The following LRMDA variants were observed in gnomAD, a reference collection of about 807,000 sequenced individuals.
The protein encoded by LRMDA is leucine rich melanocyte differentiation associated, also known as leucine-rich melanocyte differentiation-associated protein.
Under a neutral mutation model 29.8 loss-of-function variants are expected in LRMDA, and 18 were observed. The ratio of observed to expected loss-of-function variants is 0.60; its 90% CI spans 0.42 to 0.90. LRMDA has a LOEUF of 0.90. Among genes scored for constraint, LRMDA ranks in the 40% least tolerant of loss-of-function variants. The probability of loss-of-function intolerance (pLI) is 0.00; values close to 1 mark genes in which losing one functional copy is unlikely to be tolerated. For synonymous variants in LRMDA, 125 were observed against 109.4 expected, an observed-to-expected ratio of 1.14 and a Z score of -0.89; for missense variants, 273 against 273.9, an observed-to-expected ratio of 1.00 and a Z score of 0.02.
At chr10:75,436,063 A>G (rs1012174651) in intron 1 of LRMDA, among the ~76,000 whole-genome samples, 76 of 141,556 alleles carry the variant, frequency 5.4e-4, no homozygotes, top group Middle Eastern at 3.7e-3. Context: ...CTTTAAAAAA[A>G]AAAAAAAAAA....
At chr10:76,000,485 G>A (rs919332462) in intron 2 of LRMDA, among the ~76,000 whole-genome samples, 1 of 152,196 alleles carries the variant, frequency 6.6e-6, no homozygotes, top group African/African-American at 2.4e-5. Flanking sequence ...AATGGTGAGA[G>A]GGAAGGCAGT....
chr10:76,453,108 A>C (rs1407611969), intron 6 of LRMDA, among the ~76,000 whole-genome samples: 1 of 152,244 alleles, frequency 6.6e-6, no homozygotes, highest in Non-Finnish European at 1.5e-5. Context: ...AATATTTCTA[A>C]AGCACAGTTA....
intron 2 of LRMDA, among the ~76,000 whole-genome samples, chr10:75,563,970 A>G (rs1325718869): frequency 6.6e-6 from 1 of 152,176 alleles, no homozygotes; most frequent in African/African-American, 2.4e-5. Flanking sequence ...TAGGCTGCTC[A>G]GGGGTCAGGG....
At chr10:75,586,004 T>C (rs530685807) in intron 2 of LRMDA, among the ~76,000 whole-genome samples, 29 of 152,348 alleles carry the variant, frequency 1.9e-4, no homozygotes, top group African/African-American at 6.7e-4. Flanking sequence ...ATTGCAGAAT[T>C]TCCTCCCTTT....
chr10:76,377,659 G>T (rs913720805), intron 6 of LRMDA, among the ~76,000 whole-genome samples: 1 of 152,056 alleles, frequency 6.6e-6, no homozygotes. Context: ...TATATGTTTT[G>T]TCAACTTTGT....
intron 5 of LRMDA, among the ~76,000 whole-genome samples, chr10:76,077,430 G>T (rs935758651): frequency 1.3e-5 from 2 of 152,164 alleles, no homozygotes; most frequent in East Asian, 1.9e-4. Context: ...TGTAGGGCAG[G>T]TTATCTGTCT....
intron 2 of LRMDA, among the ~76,000 whole-genome samples, chr10:75,554,558 A>T (rs1451623712): frequency 6.6e-6 from 1 of 152,182 alleles, no homozygotes; most frequent in African/African-American, 2.4e-5. Flanking sequence ...CACTACTCTT[A>T]GGAGCTCCCA....
At chr10:76,149,187 G>T (rs1850391262) in intron 5 of LRMDA, among the ~76,000 whole-genome samples, 1 of 152,132 alleles carries the variant, frequency 6.6e-6, no homozygotes, top group African/African-American at 2.4e-5. Context: ...TATCTCCTTT[G>T]CACTAACAAA....
intron 2 of LRMDA, among the ~76,000 whole-genome samples, chr10:75,618,195 T>C (rs1841128811): frequency 6.6e-6 from 1 of 152,110 alleles, no homozygotes; most frequent in African/African-American, 2.4e-5. Flanking sequence ...TTTCTTCTCT[T>C]TGTAAGTAAT....
At chr10:76,380,960 T>C (rs2132471090) in intron 6 of LRMDA, among the ~76,000 whole-genome samples, 1 of 151,502 alleles carries the variant, frequency 6.6e-6, no homozygotes, top group Non-Finnish European at 1.5e-5. Context: ...TTAACATTTT[T>C]GTGTTAAAAT....
At chr10:75,794,723 C>G (rs573375323) in intron 2 of LRMDA, among the ~76,000 whole-genome samples, 40 of 152,206 alleles carry the variant, frequency 2.6e-4, no homozygotes, top group African/African-American at 9.4e-4. Flanking sequence ...AGTTTACTGC[C>G]ATTTGTATAT....
At chr10:75,829,876 G>A (rs2132289973) in intron 2 of LRMDA, among the ~76,000 whole-genome samples, 1 of 132,590 alleles carries the variant, frequency 7.5e-6, no homozygotes, top group South Asian at 2.5e-4. Context: ...GCTGCTGAGA[G>A]ATGTCAGTTG....
intron 2 of LRMDA, among the ~76,000 whole-genome samples, chr10:75,876,886 A>G (rs1589237690): frequency 1.3e-5 from 2 of 152,182 alleles, no homozygotes; most frequent in East Asian, 3.8e-4. Flanking sequence ...AAAGTGCATC[A>G]TCAGCTGTGC....
At chr10:76,472,871 A>T (rs909619055) in intron 6 of LRMDA, among the ~76,000 whole-genome samples, 11 of 151,506 alleles carry the variant, frequency 7.3e-5, no homozygotes, top group African/African-American at 2.7e-4. Context: ...GTTTGTAAAC[A>T]AACAAACAAA....
At chr10:75,444,230 A>G (rs1467595963) in intron 2 of LRMDA, among the ~76,000 whole-genome samples, 1 of 152,238 alleles carries the variant, frequency 6.6e-6, no homozygotes, top group Non-Finnish European at 1.5e-5. Flanking sequence ...ATTGTCCAAC[A>G]GTAAACTGGT....
chr10:75,744,722 T>C (rs1842870358), intron 2 of LRMDA, among the ~76,000 whole-genome samples: 1 of 152,204 alleles, frequency 6.6e-6, no homozygotes, highest in Admixed American at 6.5e-5. Flanking sequence ...TCTGTTATGC[T>C]AGATGTTCAC....
At chr10:75,536,275 A>G (rs1164243254) in intron 2 of LRMDA, among the ~76,000 whole-genome samples, 5 of 152,010 alleles carry the variant, frequency 3.3e-5, no homozygotes, top group Non-Finnish European at 7.4e-5. Flanking sequence ...GGTCCATTCC[A>G]TACTGCTCTA....
chr10:76,065,888 G>A (rs1369952936), intron 5 of LRMDA, among the ~76,000 whole-genome samples: 1 of 152,206 alleles, frequency 6.6e-6, no homozygotes, highest in Non-Finnish European at 1.5e-5. Flanking sequence ...AGCACCATGT[G>A]TTTTCACTCA....
At chr10:75,882,522 C>T (rs1845311548) in intron 2 of LRMDA, 1 of 152,176 alleles carries the variant, frequency 6.6e-6, no homozygotes, top group Admixed American at 6.5e-5. Flanking sequence ...GAAATTGTGA[C>T]ATGCATGAAA....
Sources: gnomAD v4.1 joint callset for allele counts (sites outside exome capture counted in the v4.1 genomes callset) on GRCh38, gnomAD v4.1.1 for gene constraint, MANE v1.5 for transcripts, NCBI Gene and HGNC (gene_info 2026-07-23, HGNC 2026-07-21) for gene names.